The following ERAP1 variants were observed in gnomAD, a reference collection of about 807,000 sequenced individuals.
ERAP1 encodes adipocyte-derived leucine aminopeptidase.
Under a neutral mutation model 103.7 loss-of-function variants are expected in ERAP1, and 86 were observed. The ratio of observed to expected loss-of-function variants is 0.83; its 90% CI spans 0.70 to 0.99. The LOEUF (loss-of-function observed/expected upper bound fraction) is 0.99, where lower values mean the gene tolerates loss of function less well. Ranked by LOEUF, ERAP1 falls within the 50% of genes least tolerant of loss-of-function variation. The pLI is 0.00. For synonymous variants in ERAP1, 398 were observed against 402.4 expected, an observed-to-expected ratio of 0.99 and a Z score of 0.13; for missense variants, 1,009 against 1,128.4, an observed-to-expected ratio of 0.89 and a Z score of 1.52.
the ERAP1 span, chr5:96,814,216 T>A: frequency 2.2e-6 from 1 of 456,062 alleles, no homozygotes; most frequent in Non-Finnish European, 4.4e-6. Flanking sequence ...AGAACCTCAG[T>A]GTTTTGCTGA....
the ERAP1 span, among the ~76,000 whole-genome samples, chr5:96,832,045 A>G: frequency 1.3e-5 from 2 of 152,252 alleles, no homozygotes; most frequent in African/African-American, 4.8e-5. Flanking sequence ...ATTTTATCTA[A>G]GAGATGGGGA....
chr5:96,762,257 AT>A (rs35212622), exon 20 of ERAP1: 5 of 1,575,262 alleles, frequency 3.2e-6, no homozygotes, highest in Middle Eastern at 1.7e-4. Context: ...TACTAATAAA[AT>A]TTTTTTCAAT....
At chr5:96,819,826 T>G in the ERAP1 span, among the ~76,000 whole-genome samples, 8 of 152,214 alleles carry the variant, frequency 5.3e-5, no homozygotes, top group Non-Finnish European at 1.0e-4. Context: ...AAGTCATTAT[T>G]TCTTAGGACA....
chr5:96,766,202 A>G, intron 19 of ERAP1: 2 of 948,596 alleles, frequency 2.1e-6, no homozygotes, highest in Admixed American at 3.7e-5. Flanking sequence ...TTAAATTCAA[A>G]CCTCCCTTGA....
chr5:96,845,160 TA>T, the ERAP1 span, among the ~76,000 whole-genome samples: 2 of 152,194 alleles, frequency 1.3e-5, no homozygotes, highest in Non-Finnish European at 2.9e-5. Context: ...AAAATTGATT[TA>T]AAAAATAAGA....
chr5:96,866,428 G>A, the ERAP1 span, among the ~76,000 whole-genome samples: 1 of 152,148 alleles, frequency 6.6e-6, no homozygotes, highest in African/African-American at 2.4e-5. Context: ...AAAACAAATA[G>A]ACAAACATCA....
chr5:96,816,688 C>G, the ERAP1 span, among the ~76,000 whole-genome samples: 1 of 152,124 alleles, frequency 6.6e-6, no homozygotes, highest in Non-Finnish European at 1.5e-5. Flanking sequence ...ATATAGTACC[C>G]CAGGAGGGAA....
the ERAP1 span, among the ~76,000 whole-genome samples, chr5:96,890,634 T>A: frequency 6.6e-6 from 1 of 152,206 alleles, no homozygotes; most frequent in African/African-American, 2.4e-5. Context: ...CCTGTCCTTT[T>A]TCGCCTCTTG....
Position 96,795,053 on chromosome 5 carries a change from A to C in ERAP1, c.908T>G (p.Leu303Arg). 6.2e-7 allele frequency: 1 copy of C among 1,614,038 alleles called. No individual in the cohort carries two copies. Residue 303 changes from leucine (L) to arginine (R), a missense_variant, in exon 5 of 19, where the codon CTA (leucine) becomes CGA (arginine). Physicochemically the swap from Leu to Arg is moderately radical, Grantham distance 102 (BLOSUM62 -2). This residue lies in a region of ERAP1 where 392 missense variants were observed against 455.2 expected (regional missense o/e 0.86). Coordinates refer to ENST00000443439, the MANE Select transcript of ERAP1 (RefSeq NM_001040458.3). ...TGCAAAATCTCTACCTTGTTTGGGT[A>C]GGGGATACGGTATGCTGAAATAATC... ...YEDYFSIPYP[L>R]PKQDLAAIPD... is the part of the protein sequence containing the mutation.
At chr5:96,868,110 C>A in the ERAP1 span, among the ~76,000 whole-genome samples, 1 of 152,022 alleles carries the variant, frequency 6.6e-6, no homozygotes, top group East Asian at 1.9e-4. Flanking sequence ...AACAAAAAAA[C>A]TCTATTCTCA....
At chr5:96,815,461 G>A in the ERAP1 span, among the ~76,000 whole-genome samples, 362 of 148,414 alleles carry the variant, frequency 2.4e-3, 5 homozygotes, top group Admixed American at 0.022. Flanking sequence ...GCCCGGGCTG[G>A]AGTGCAATGG....
the ERAP1 span, among the ~76,000 whole-genome samples, chr5:96,830,889 C>A: frequency 6.6e-6 from 1 of 152,166 alleles, no homozygotes; most frequent in Non-Finnish European, 1.5e-5. Context: ...GGATTAGTTC[C>A]AGGATCCCTG....
chr5:96,904,698 C>T, the ERAP1 span, among the ~76,000 whole-genome samples: 1 of 152,176 alleles, frequency 6.6e-6, no homozygotes, highest in Admixed American at 6.5e-5. Context: ...GATAGATTAA[C>T]AATGCAAGAC....
At chr5:96,909,118 G>C in the ERAP1 span, 1 of 1,613,784 alleles carries the variant, frequency 6.2e-7, no homozygotes, top group Non-Finnish European at 8.5e-7. Flanking sequence ...AAACCTCAAG[G>C]TTTGTGTTGC....
chr5:96,771,387 A>G (rs1202871149), downstream of ERAP1, among the ~76,000 whole-genome samples: 2 of 152,178 alleles, frequency 1.3e-5, no homozygotes, highest in African/African-American at 4.8e-5. Context: ...TGCATATTTT[A>G]TAACCTACCC....
chr5:96,780,309 A>G, intron 18 of ERAP1, 114 bp downstream of exon 18: 1 of 753,806 alleles, frequency 1.3e-6, no homozygotes, highest in South Asian at 2.0e-5. Flanking sequence ...AATAACTTCT[A>G]AATGACAATC....
chr5:96,800,637 A>G (rs62364753), intron 3 of ERAP1, among the ~76,000 whole-genome samples: 11 of 152,214 alleles, frequency 7.2e-5, no homozygotes, highest in Non-Finnish European at 1.5e-4. Flanking sequence ...TATAACCTGG[A>G]ATGGCACTGT....
chr5:96,824,208 G>C, the ERAP1 span, among the ~76,000 whole-genome samples: 1 of 152,302 alleles, frequency 6.6e-6, no homozygotes, highest in East Asian at 1.9e-4. Context: ...GTGGACTCCT[G>C]TATTCACACC....
the ERAP1 span, among the ~76,000 whole-genome samples, chr5:96,877,100 G>A: frequency 6.6e-6 from 1 of 152,094 alleles, no homozygotes; most frequent in South Asian, 2.1e-4. Flanking sequence ...TCAGCCTCCC[G>A]AGTAGCTAGG....
Sources: allele counts gnomAD v4.1 joint callset (sites outside exome capture counted in the v4.1 genomes callset), GRCh38; gene constraint gnomAD v4.1.1; regional missense constraint gnomAD v4.1.1; transcripts MANE v1.5; gene names NCBI Gene and HGNC (gene_info 2026-07-23, HGNC 2026-07-21).